Variants in DNAH11 observed in about 807,000 individuals in gnomAD.
DNAH11 encodes axonemal beta dynein heavy chain 11.
Under a neutral mutation model 526.0 loss-of-function variants are expected in DNAH11, and 442 were observed. The observed-to-expected ratio is 0.84, with a 90% confidence interval of 0.78 to 0.91. The LOEUF is 0.91. DNAH11 is among the 40% of genes least tolerant of loss of function. The probability of loss-of-function intolerance (pLI) is 0.00; values close to 1 mark genes in which losing one functional copy is unlikely to be tolerated. For missense variants in DNAH11, 6,989 were observed against 5,448.7 expected (o/e 1.28, Z -8.90); for synonymous variants, 2,461 against 1,935.9 (o/e 1.27, Z -7.12).
At position 21,582,096 on chromosome 7, in the gene DNAH11, C is replaced by A. The variant is rs755914344; in HGVS notation, c.1710+75C>A. ...GGCTGTTAAATGAAAGGGGTGAATT[C>A]TCATTCAGGTAGAGTATTCACTAGG... On this transcript the variant is annotated intron_variant, in intron 9 of 81. Transcript: ENST00000409508. The A allele has an allele frequency of 5.1e-5, 47 of 923,248 alleles. No homozygotes were observed. In the Middle Eastern group the frequency reaches 9.5e-4, roughly 19 times the overall value. The allele number at this position is 923,248 out of a possible 1,614,324, so 57.2% of individuals were successfully genotyped here. A position where few individuals can be genotyped will look rare whatever the true frequency, so the allele number is the denominator to read the frequency against.
chr7:21,619,519 C>T (rs1257185517), intron 24 of DNAH11, among the ~76,000 whole-genome samples: 1 of 152,166 alleles, frequency 6.6e-6, no homozygotes, highest in Admixed American at 6.5e-5. Context: ...ATTTAATCTT[C>T]TGAGGTAAGT....
intron 28 of DNAH11, among the ~76,000 whole-genome samples, chr7:21,643,938 G>C (rs575314406): frequency 6.6e-6 from 1 of 152,256 alleles, no homozygotes; most frequent in East Asian, 1.9e-4. Flanking sequence ...GTGGCTGCTA[G>C]ATGGTTGTAG....
intron 54 of DNAH11, among the ~76,000 whole-genome samples, chr7:21,753,392 G>A (rs1786495160): frequency 6.6e-6 from 1 of 152,174 alleles, no homozygotes; most frequent in Non-Finnish European, 1.5e-5. Context: ...GCCTTTATGA[G>A]TACAATTTGA....
rs145963018 is a variant in DNAH11 at position 21,848,334 on chromosome 7, A to ATCTC, written c.10897-4115_10897-4112dup. On this transcript the variant is annotated intron_variant, in intron 66 of 81. Transcript: ENST00000409508. Reference sequence around the variant, plus strand: ...GTGTTAGCATGGTATATCTTTCTCCATCTCTCTCTCTCTCTCTCTCTACTT... The same window carrying ATCTC: ...GTGTTAGCATGGTATATCTTTCTCCATCTCTCTCTCTCTCTCTCTCTCTCTACTT... Among the ~76,000 whole-genome samples, 481 of 148,308 alleles carry ATCTC rather than the reference A, an allele frequency of 3.2e-3. 3 individuals carry two copies. The highest frequency in any genetic ancestry group is 0.016 in the East Asian group (82 of 5,054).
At chr7:21,828,379 T>C (rs530334130) in intron 65 of DNAH11, among the ~76,000 whole-genome samples, 1 of 152,376 alleles carries the variant, frequency 6.6e-6, no homozygotes, top group Non-Finnish European at 1.5e-5. Flanking sequence ...CAGTCTGTTC[T>C]AATTTCCAAA....
intron 45 of DNAH11, among the ~76,000 whole-genome samples, chr7:21,729,841 C>T (rs1027326938): frequency 6.6e-6 from 1 of 152,220 alleles, no homozygotes; most frequent in Non-Finnish European, 1.5e-5. Context: ...TTGTCTTACC[C>T]TGTTCCAAAG....
chr7:21,581,937 C>T lies in DNAH11; in HGVS notation c.1626C>T (p.Ser542=). The T allele has an allele frequency of 1.2e-6, 2 of 1,612,570 alleles. No homozygotes were observed. Among genetic ancestry groups the T allele is most frequent in the African/African-American group, 2.7e-5 (2 of 74,956 alleles). Residue 542 remains serine (S), a synonymous_variant, in exon 9 of 82, where the codon TCC becomes TCT. Transcript: ENST00000409508. ...AAAGTGATTATGTGGCATTTAAGTCCAAAACTCTGGAATTTGACAGAAGGC... is the reference window on the plus strand; with the variant it reads ...AAAGTGATTATGTGGCATTTAAGTCTAAAACTCTGGAATTTGACAGAAGGC... ...EFESDYVAFK[S]KTLEFDRRLG... is the part of the protein sequence containing the mutation.
chr7:21,717,843 A>G lies in DNAH11; in HGVS notation c.7052A>G (p.Asp2351Gly), dbSNP rs566386080. The G allele has an allele frequency of 3.3e-5, 53 of 1,613,906 alleles. No individual in the cohort carries two copies. Among genetic ancestry groups the G allele is most frequent in the South Asian group, 1.5e-4 (14 of 91,078 alleles). ...SEKANLTILF[D>G]KYVPACLDKL... The stretch of plus-strand genomic sequence containing the variant: ...AAGGCCAATTTGACTATTCTTTTTG[A>G]TAAATATGTCCCTGCATGCTTGGAT... The change falls in exon 43 of 82, where the codon GAT (aspartate) becomes GGT (glycine). Residue 2351 changes from aspartate to glycine, a missense_variant. Physicochemically the swap from Asp to Gly is moderately conservative, Grantham distance 94 (BLOSUM62 -1). Transcript: ENST00000409508.
rs749989736 is a variant in DNAH11 at position 21,741,947 on chromosome 7, A to T, written c.7935A>T (p.Ala2645=). The change falls in exon 49 of 82, where the codon GCA becomes GCT. Residue 2645 remains alanine, a synonymous_variant. Transcript: ENST00000409508. ...TTCAGAGACATTTCACAGTGTTTGC[A>T]TTCAATTTTCCATCTTTGGATGCAC... The part of the protein sequence containing the change: ...PRLQRHFTVF[A]FNFPSLDALN... 1.9e-6 allele frequency: 3 copies of T among 1,613,798 alleles called. No homozygotes were observed. In the East Asian group the frequency reaches 6.7e-5, roughly 36 times the overall value.
In DNAH11 at chr7:21,900,862, C is replaced by G. The variant is rs56268505; in HGVS notation, c.13304-145C>G. On this transcript the variant is annotated intron_variant, in intron 81 of 81. Coordinates refer to ENST00000409508, the MANE Select transcript of DNAH11 (RefSeq NM_001277115.2). ...GTAACCTACCTTTCAAAGCTCAGTC[C>G]GGCCAGCTCAGTAAAAATACCACTG... is the stretch of plus-strand genomic sequence containing the variant. 5.9e-6 allele frequency: 8 copies of G among 1,353,312 alleles called. No homozygotes were observed. In the South Asian group the frequency reaches 1.0e-4, roughly 17 times the overall value. The allele number at this position is 1,353,312 out of a possible 1,614,324, so 83.8% of individuals were successfully genotyped here. A position where few individuals can be genotyped will look rare whatever the true frequency, so the allele number is the denominator to read the frequency against.
intron 40 of DNAH11, 62 bp from the exon 41 acceptor site, chr7:21,710,491 C>A: frequency 6.9e-7 from 1 of 1,444,756 alleles, no homozygotes. Flanking sequence ...AAAAGAGCTT[C>A]CAAGATGAAT....
At chr7:21,699,743 G>T (rs1783985550) in intron 36 of DNAH11, among the ~76,000 whole-genome samples, 1 of 151,382 alleles carries the variant, frequency 6.6e-6, no homozygotes. Flanking sequence ...CAAGTCAGAA[G>T]AAAAAAATGT....
chr7:21,819,737 A>T (rs1282539284), intron 65 of DNAH11, among the ~76,000 whole-genome samples: 1 of 152,206 alleles, frequency 6.6e-6, no homozygotes, highest in Admixed American at 6.6e-5. Context: ...TTGAGTCATG[A>T]TTCTCAGTAT....
In DNAH11 at chr7:21,868,902, C is replaced by G; in HGVS notation, c.11878C>G (p.His3960Asp). The change falls in exon 73 of 82, where the codon CAC (histidine) becomes GAC (aspartate). Residue 3960 changes from histidine (H) to aspartate (D), a missense_variant. Coordinates refer to ENST00000409508, the MANE Select transcript of DNAH11 (RefSeq NM_001277115.2). ...CTTTACAATTGACTCTGGAAAATTC[C>G]ACAATGTGTCTTTAGGACAAGGTCA... ...LGFTIDSGKFHNVSLGQGQET... is the reference protein window; with the variant it reads ...LGFTIDSGKFDNVSLGQGQET... 1 of 1,613,968 alleles carries G rather than the reference C, an allele frequency of 6.2e-7. No individual in the cohort carries two copies. The highest frequency in any genetic ancestry group is 8.5e-7 in the Non-Finnish European group (1 of 1,179,876).
At chr7:21,601,322 A>G (rs1022547471) in intron 17 of DNAH11, 74 bp from the exon 18 acceptor site, 5 of 1,468,884 alleles carry the variant, frequency 3.4e-6, no homozygotes, top group South Asian at 2.7e-5. Context: ...ATAAGATTCA[A>G]TCAGAAGTCT....
chr7:21,574,877 T>TG (rs1208071851), intron 8 of DNAH11, among the ~76,000 whole-genome samples: 1 of 129,702 alleles, frequency 7.7e-6, no homozygotes, highest in African/African-American at 3.0e-5. Flanking sequence ...CTTTTTTTTT[T>TG]TTTTTTTTTT....
At chr7:21,798,902 GC>G (rs2127992329) in intron 61 of DNAH11, among the ~76,000 whole-genome samples, 1 of 151,972 alleles carries the variant, frequency 6.6e-6, no homozygotes, top group African/African-American at 2.4e-5. Context: ...TACATGGTGA[GC>G]TTATTAATAT....
rs1788995435 is a variant in DNAH11, at chr7:21,801,566, G to A, written c.10165+291G>A. 2.0e-5 allele frequency among the ~76,000 whole-genome samples: 3 copies of A among 152,252 alleles called. No homozygotes were observed. The South Asian group carries it at 6.2e-4, about 32-fold the overall frequency. ...GGTCTTGTATCCACTTTAAGACAAT[G>A]GAGTACATCAGCTGTGGGTGGGTTA... On this transcript the variant is annotated intron_variant, in intron 62 of 81. Transcript: ENST00000409508.
intron 1 of DNAH11, chr7:21,543,811 G>GT: frequency 1.7e-6 from 1 of 581,618 alleles, no homozygotes. Flanking sequence ...TCAGCAGTTT[G>GT]TATCTGACCG....
Sources: gnomAD v4.1 joint callset for allele counts (sites outside exome capture counted in the v4.1 genomes callset) on GRCh38, gnomAD v4.1.1 for gene constraint, MANE v1.5 for transcripts, NCBI Gene and HGNC (gene_info 2026-07-23, HGNC 2026-07-21) for gene names.